PDE10A: variants seen among roughly 807,000 people sequenced by gnomAD.
PDE10A encodes phosphodiesterase 10A, also known as cAMP and cAMP-inhibited cGMP 3',5'-cyclic phosphodiesterase 10A.
PDE10A carries 39 observed loss-of-function variants against 97.7 expected under a neutral mutation model. The observed-to-expected ratio is 0.40, with a 90% CI of 0.31 to 0.52. PDE10A has a LOEUF of 0.52. Ranked by LOEUF, PDE10A falls within the 20% of genes least tolerant of loss-of-function variation. PDE10A has a pLI of 0.56. For missense variants in PDE10A, 731 were observed against 1,047.8 expected (o/e 0.70, Z 4.17); for synonymous variants, 371 against 376.8 (o/e 0.98, Z 0.18).
chr6:165,596,347 G>A (rs1282772908), intron 1 of PDE10A, among the ~76,000 whole-genome samples: 3 of 152,164 alleles, frequency 2.0e-5, no homozygotes, highest in Non-Finnish European at 4.4e-5. Flanking sequence ...TCGTCTCCCT[G>A]CGTCTGCCCT....
At chr6:165,849,125 A>T (rs1480749559) in intron 1 of PDE10A, among the ~76,000 whole-genome samples, 1 of 151,940 alleles carries the variant, frequency 6.6e-6, no homozygotes, top group Non-Finnish European at 1.5e-5. Flanking sequence ...TAATACATAA[A>T]TTTTCTATTT....
chr6:165,713,667 A>T (rs1300087420), intron 1 of PDE10A, among the ~76,000 whole-genome samples: 1 of 152,184 alleles, frequency 6.6e-6, no homozygotes, highest in Non-Finnish European at 1.5e-5. Flanking sequence ...TTTCTAAAAA[A>T]TGTTCGATCC....
chr6:165,791,242 T>C (rs944300101), intron 1 of PDE10A, among the ~76,000 whole-genome samples: 5 of 151,876 alleles, frequency 3.3e-5, no homozygotes, highest in African/African-American at 7.2e-5. Context: ...GAGGACAGCT[T>C]GAGGTTTTTT....
intron 1 of PDE10A, among the ~76,000 whole-genome samples, chr6:165,847,476 C>G (rs531049720): frequency 1.2e-4 from 19 of 152,366 alleles, no homozygotes; most frequent in African/African-American, 4.3e-4. Flanking sequence ...CACTGCCTCG[C>G]GTGACAGCGA....
intron 3 of PDE10A, among the ~76,000 whole-genome samples, chr6:165,456,750 T>C (rs1777977336): frequency 6.6e-6 from 1 of 152,206 alleles, no homozygotes; most frequent in Non-Finnish European, 1.5e-5. Context: ...TTTTCTTGTT[T>C]ATATTAAGCT....
At chr6:165,868,137 C>A (rs563324418) in intron 1 of PDE10A, among the ~76,000 whole-genome samples, 1 of 151,514 alleles carries the variant, frequency 6.6e-6, no homozygotes, top group East Asian at 1.9e-4. Context: ...CAAACCAAAC[C>A]CAAAATTGGT....
At chr6:165,608,327 T>A (rs917877065) in intron 1 of PDE10A, among the ~76,000 whole-genome samples, 1 of 145,830 alleles carries the variant, frequency 6.9e-6, no homozygotes, top group Admixed American at 7.0e-5. Flanking sequence ...GTTCTCATTG[T>A]TCAATTCCCA....
upstream of PDE10A, among the ~76,000 whole-genome samples, chr6:165,663,670 CCTCCCCAGGA>C (rs1422523473): frequency 1.3e-5 from 2 of 152,184 alleles, no homozygotes; most frequent in Non-Finnish European, 2.9e-5. Flanking sequence ...AAATACGGTT[CCTCCCCAGGA>C]CTCCCTTTCG....
chr6:165,416,038 A>T (rs550777074), intron 12 of PDE10A, 151 bp downstream of exon 12: 30 of 623,332 alleles, frequency 4.8e-5, no homozygotes, highest in Middle Eastern at 2.6e-4. Context: ...GAATATACTG[A>T]CTATTGATAG....
intron 1 of PDE10A, among the ~76,000 whole-genome samples, chr6:165,593,420 A>G (rs1786399945): frequency 6.6e-6 from 1 of 152,180 alleles, no homozygotes; most frequent in South Asian, 2.1e-4. Flanking sequence ...CGTTCTGCAC[A>G]TGTATCCCAG....
chr6:165,720,634 G>T (rs1280050439), intron 1 of PDE10A, among the ~76,000 whole-genome samples: 1 of 152,182 alleles, frequency 6.6e-6, no homozygotes, highest in Non-Finnish European at 1.5e-5. Context: ...GCTGAAATTA[G>T]CACCCATCGA....
At position 165,663,024 on chromosome 6, in the gene PDE10A, G is replaced by A. The variant is rs575978073; in HGVS notation, c.-213C>T. Among the ~76,000 whole-genome samples the A allele has an allele frequency of 6.6e-6, 1 of 151,626 alleles. No individual in the cohort carries two copies. Among genetic ancestry groups the A allele is most frequent in the African/African-American group, 2.4e-5 (1 of 41,448 alleles). ...CGGGAGGACCCGGGCCTGGGGGCCAGGCCCCGGCGACGGCGCCTGGCTACC... is the reference window on the plus strand; with the variant it reads ...CGGGAGGACCCGGGCCTGGGGGCCAAGCCCCGGCGACGGCGCCTGGCTACC... On this transcript the variant is annotated 5_prime_UTR_variant, in exon 1 of 22. Coordinates refer to ENST00000539869, the MANE Select transcript of PDE10A (RefSeq NM_001385079.1).
At chr6:165,801,422 G>A (rs1295002765) in intron 1 of PDE10A, among the ~76,000 whole-genome samples, 2 of 152,198 alleles carry the variant, frequency 1.3e-5, no homozygotes, top group Non-Finnish European at 2.9e-5. Flanking sequence ...GTACATGCCT[G>A]TAATTCCAGC....
At chr6:165,972,032 C>T (rs920218236) in intron 1 of PDE10A, among the ~76,000 whole-genome samples, 2 of 151,994 alleles carry the variant, frequency 1.3e-5, no homozygotes, top group Non-Finnish European at 2.9e-5. Flanking sequence ...AGTCCAGCCT[C>T]CTGGGGTGTG....
chr6:165,489,608 A>G (rs1780109916), intron 2 of PDE10A, among the ~76,000 whole-genome samples: 1 of 152,228 alleles, frequency 6.6e-6, no homozygotes, highest in Non-Finnish European at 1.5e-5. Flanking sequence ...AAATCTCTGA[A>G]TTGCCAGAAA....
intron 1 of PDE10A, among the ~76,000 whole-genome samples, chr6:165,697,868 C>T (rs930822585): frequency 4.6e-5 from 7 of 152,140 alleles, no homozygotes; most frequent in South Asian, 4.1e-4. Flanking sequence ...TTTTATACTA[C>T]GTATATTTAA....
intron 1 of PDE10A, among the ~76,000 whole-genome samples, chr6:165,920,585 T>C (rs1782727549): frequency 6.6e-6 from 1 of 151,952 alleles, no homozygotes; most frequent in Admixed American, 6.6e-5. Context: ...CATACCTGCT[T>C]ACTATACATT....
chr6:165,459,912 A>T (rs182014924), intron 3 of PDE10A, among the ~76,000 whole-genome samples: 27 of 152,366 alleles, frequency 1.8e-4, no homozygotes, highest in African/African-American at 6.5e-4. Context: ...AGATAGGGGA[A>T]AAAAGAAAAC....
rs1410410616 is a variant in PDE10A at position 165,662,395 on chromosome 6, G to C, written c.417C>G (p.Pro139=). The change falls in exon 1 of 22, where the codon CCC becomes CCG. Residue 139 remains proline (P), a synonymous_variant. Transcript: ENST00000539869. The part of the protein sequence containing the change: ...FLPSSSAFHL[P]VRLPGREGAA... ...CGCCCTCCCTTCCTGGGAGACGCAC[G>C]GGGAGGTGAAAGGCAGATGAGGAGG... is the stretch of plus-strand genomic sequence containing the variant. 6.4e-6 allele frequency: 1 copy of C among 155,558 alleles called. No individual in the cohort carries two copies. The highest frequency in any genetic ancestry group is 1.9e-4 in the East Asian group (1 of 5,284). 9.6% of individuals were successfully genotyped at this position (155,558 alleles called of 1,614,324 possible).
Sources: allele counts gnomAD v4.1 joint callset (sites outside exome capture counted in the v4.1 genomes callset), GRCh38; gene constraint gnomAD v4.1.1; transcripts MANE v1.5; gene names NCBI Gene and HGNC (gene_info 2026-07-23, HGNC 2026-07-21).